Variants in SETD1B observed in about 807,000 individuals in gnomAD.
SETD1B encodes the protein SET domain containing 1B, histone lysine methyltransferase, also known as histone-lysine N-methyltransferase SETD1B.
In SETD1B, 7 loss-of-function variants were observed where a neutral mutation model predicts 148.0. The observed-to-expected ratio is 0.05, with a 90% CI of 0.03 to 0.09. SETD1B has a LOEUF of 0.09. SETD1B is among the 10% of genes least tolerant of loss of function. The pLI, the probability that SETD1B is intolerant of heterozygous loss-of-function variation, is 1.00. For synonymous variants in SETD1B, 1,361 were observed against 1,186.5 expected (o/e 1.15, Z -3.02); for missense variants, 2,155 against 2,729.9 (o/e 0.79, Z 4.69).
In SETD1B at chr12:121,825,995, G is replaced by A. The variant is rs1004176343; in HGVS notation, c.5337+629G>A. ...TAAATATCTGTTGAGTACATGCTGT[G>A]TACCGGGCACTGTTCTGGGTCTATA... On this transcript the variant is annotated intron_variant, in intron 13 of 16. Transcript: ENST00000604567. Among the ~76,000 whole-genome samples the A allele has an allele frequency of 3.3e-5, 5 of 152,122 alleles. No homozygotes were observed. In the South Asian group the frequency reaches 1.0e-3, roughly 32 times the overall value.
chr12:121,823,096 C>A lies in SETD1B; in HGVS notation c.4517C>A (p.Ala1506Asp). The A allele has an allele frequency of 6.6e-7, 1 of 1,512,342 alleles. No homozygotes were observed. Among genetic ancestry groups the A allele is most frequent in the South Asian group, 1.2e-5 (1 of 82,148 alleles). 93.7% of individuals were successfully genotyped at this position (1,512,342 alleles called of 1,614,324 possible). Residue 1506 changes from alanine to aspartate, a missense_variant, in exon 12 of 17, where the codon GCC (alanine) becomes GAC (aspartate). Ala to Asp is a moderately radical substitution (Grantham distance 126). Coordinates refer to ENST00000604567, the MANE Select transcript of SETD1B (RefSeq NM_001353345.2). ...APTPLPPLLP[A>D]PLASCPPPMK... ...ACCCCGCTGCCACCCCTGCTGCCCG[C>A]CCCCCTGGCCTCTTGCCCTCCCCCA...
Position 121,819,612 on chromosome 12 carries a change from T to C in SETD1B, c.3627T>C (p.Phe1209=). The change falls in exon 11 of 17, where the codon TTT becomes TTC. Residue 1209 remains phenylalanine (F), a synonymous_variant. Transcript: ENST00000604567. Reference sequence around the variant, plus strand: ...TGGCTTCTGCAGGCCCTGAGGACTTTGAGCAGGACGGGGAGGAAGCGGCTC... The same window carrying C: ...TGGCTTCTGCAGGCCCTGAGGACTTCGAGCAGGACGGGGAGGAAGCGGCTC... ...ESMASAGPED[F]EQDGEEAALA... The C allele has an allele frequency of 1.3e-6, 2 of 1,551,924 alleles. No homozygotes were observed. The highest frequency in any genetic ancestry group is 2.7e-5 in the African/African-American group (2 of 73,124).
intron 13 of SETD1B, 138 bp from the exon 14 acceptor site, chr12:121,827,381 A>G: frequency 9.5e-7 from 1 of 1,056,764 alleles, no homozygotes; most frequent in Non-Finnish European, 1.3e-6. Context: ...GGAAGCGGTG[A>G]CAATTAGGGA....
rs1477922356 is a variant in SETD1B at position 121,810,229 on chromosome 12, C to T, written c.1284C>T (p.Phe428=). 1.9e-6 allele frequency: 3 copies of T among 1,548,206 alleles called. No individual in the cohort carries two copies. The South Asian group carries it at 3.6e-5, about 18-fold the overall frequency. Residue 428 remains phenylalanine (F), a synonymous_variant, in exon 6 of 17, where the codon TTC becomes TTT. Transcript: ENST00000604567. This position sits in a 1 kb window ranked among gnomAD's most constrained non-coding sequence, Gnocchi z 7.6. ...AAFGARDSGE[F]RRAPAPPPLP... ...TTGGGGCCCGCGACAGTGGGGAGTT[C>T]CGGAGGGCACCGGCGCCCCCACCCC...
At chr12:121,800,210 G>C (rs1258957616), upstream of SETD1B, 3 of 152,164 alleles carry the variant, frequency 2.0e-5, no homozygotes, top group East Asian at 5.8e-4. Context: ...AGGCTTCGCC[G>C]GGAGCCCCGC....
intron 10 of SETD1B, among the ~76,000 whole-genome samples, chr12:121,818,672 C>CCT (rs1429097821): frequency 6.6e-6 from 1 of 151,820 alleles, no homozygotes; most frequent in Non-Finnish European, 1.5e-5. Context: ...AAGTGGATCA[C>CCT]GAGGTCAACA....
intron 13 of SETD1B, among the ~76,000 whole-genome samples, chr12:121,826,205 C>T (rs1003694654): frequency 2.8e-4 from 43 of 152,212 alleles, no homozygotes; most frequent in African/African-American, 9.6e-4. Context: ...GCCACGGTAC[C>T]CAGCTGGAAT....
chr12:121,805,284 C>A lies in SETD1B; in HGVS notation c.273+68C>A. 7.7e-7 allele frequency: 1 copy of A among 1,305,506 alleles called. No homozygotes were observed. Among genetic ancestry groups the A allele is most frequent in the Non-Finnish European group, 1.1e-6 (1 of 930,872 alleles). The allele number at this position is 1,305,506 out of a possible 1,614,324, so 80.9% of individuals were successfully genotyped here. A position where few individuals can be genotyped will look rare whatever the true frequency, so the allele number is the denominator to read the frequency against. On this transcript the variant is annotated intron_variant, in intron 3 of 16. Transcript: ENST00000604567. This position sits in a 1 kb window ranked among gnomAD's most constrained non-coding sequence, Gnocchi z 4.2. The stretch of plus-strand genomic sequence containing the variant: ...CCCGAGTTCGAAAATAACGCCAGTC[C>A]TGACCGAGCCCAGCCGGATTCCCAG...
Position 121,810,926 on chromosome 12 carries a change from G to C in SETD1B, c.1890+91G>C. On this transcript the variant is annotated intron_variant, in intron 6 of 16. Transcript: ENST00000604567. This position sits in a 1 kb window ranked among gnomAD's most constrained non-coding sequence, Gnocchi z 7.6. The stretch of plus-strand genomic sequence containing the variant: ...TCAAGCATTTAGCATGACTAGCTAA[G>C]ATGCGGAAGCAATGGGGCTAGGAAA... The C allele has an allele frequency of 7.1e-7, 1 of 1,405,764 alleles. No homozygotes were observed. Among genetic ancestry groups the C allele is most frequent in the Non-Finnish European group, 9.4e-7 (1 of 1,063,540 alleles). The allele number at this position is 1,405,764 out of a possible 1,614,324, so 87.1% of individuals were successfully genotyped here.
chr12:121,810,694 C>T lies in SETD1B; in HGVS notation c.1749C>T (p.Asp583=), dbSNP rs558073348. The part of the protein sequence containing the change: ...SPTPLPDSDE[D]EELDLGLGPR... ...CACCCCTCCCAGACTCCGACGAGGA[C>T]GAGGAGCTCGACCTGGGCCTTGGGC... The change falls in exon 6 of 17, where the codon GAC becomes GAT. Residue 583 remains aspartate (D), a synonymous_variant. Coordinates refer to ENST00000604567, the MANE Select transcript of SETD1B (RefSeq NM_001353345.2). The surrounding 1 kb of genome is among the most constrained non-coding windows in gnomAD (Gnocchi z 7.6). 44 of 1,550,988 alleles carry T rather than the reference C, an allele frequency of 2.8e-5. No individual in the cohort carries two copies. The highest frequency in any genetic ancestry group is 2.6e-4 in the South Asian group (22 of 84,030).
At position 121,822,929 on chromosome 12, in the gene SETD1B, C is replaced by T. The variant is rs746072629; in HGVS notation, c.4350C>T (p.Leu1450=). The T allele has an allele frequency of 3.3e-6, 5 of 1,528,520 alleles. No individual in the cohort carries two copies. In the South Asian group the frequency reaches 4.9e-5, roughly 15 times the overall value. The allele number at this position is 1,528,520 out of a possible 1,614,324, so 94.7% of individuals were successfully genotyped here. A position where few individuals can be genotyped will look rare whatever the true frequency, so the allele number is the denominator to read the frequency against. The change falls in exon 12 of 17, where the codon CTC becomes CTT. Residue 1450 remains leucine (L), a synonymous_variant. Coordinates refer to ENST00000604567, the MANE Select transcript of SETD1B (RefSeq NM_001353345.2). ...SGPLLLPVCP[L]PTGRRDERSG... Reference sequence around the variant, plus strand: ...CCTTGCTCCTGCCCGTCTGCCCACTCCCCACTGGCCGACGCGATGAACGCT... The same window carrying T: ...CCTTGCTCCTGCCCGTCTGCCCACTTCCCACTGGCCGACGCGATGAACGCT...
chr12:121,791,623 T>A, the SETD1B span, among the ~76,000 whole-genome samples: 1 of 152,202 alleles, frequency 6.6e-6, no homozygotes, highest in African/African-American at 2.4e-5. Flanking sequence ...AACTTGCAGC[T>A]TTCCAGAATC....
Position 121,805,022 on chromosome 12 carries a change from C to G in SETD1B, c.175-96C>G. 2 of 1,473,238 alleles carry G rather than the reference C, an allele frequency of 1.4e-6. No homozygotes were observed. Among genetic ancestry groups the G allele is most frequent in the Non-Finnish European group, 1.8e-6 (2 of 1,091,630 alleles). 91.3% of individuals were successfully genotyped at this position (1,473,238 alleles called of 1,614,324 possible). Reference sequence around the variant, plus strand: ...CCCCGGCCAACTGTCAGACGGGGCCCCAGCCCTGGAGTTTGACAAGTGCCT... The same window carrying G: ...CCCCGGCCAACTGTCAGACGGGGCCGCAGCCCTGGAGTTTGACAAGTGCCT... On this transcript the variant is annotated intron_variant, in intron 2 of 16. Coordinates refer to ENST00000604567, the MANE Select transcript of SETD1B (RefSeq NM_001353345.2). This position sits in a 1 kb window ranked among gnomAD's most constrained non-coding sequence, Gnocchi z 4.2.
rs1470231078 is a variant in SETD1B, at chr12:121,823,110, T to C, written c.4531T>C (p.Cys1511Arg). Residue 1511 changes from cysteine to arginine, a missense_variant, in exon 12 of 17, where the codon TGC becomes CGC. Around this residue, in one of 11 missense-constraint regions of SETD1B, gnomAD observed 862 missense variants for 873.8 expected, o/e 0.99. Transcript: ENST00000604567. ...CCTGCTGCCCGCCCCCCTGGCCTCT[T>C]GCCCTCCCCCAATGAAGAGGAAGCC... ...PPLLPAPLASCPPPMKRKPGR... is the reference protein window; with the variant it reads ...PPLLPAPLASRPPPMKRKPGR... 1 of 1,499,788 alleles carries C rather than the reference T, an allele frequency of 6.7e-7. No individual in the cohort carries two copies. Among genetic ancestry groups the C allele is most frequent in the Admixed American group, 2.0e-5 (1 of 49,712 alleles). 92.9% of individuals were successfully genotyped at this position (1,499,788 alleles called of 1,614,324 possible). A position where few individuals can be genotyped will look rare whatever the true frequency, so the allele number is the denominator to read the frequency against.
chr12:121,814,600 G>T lies in SETD1B; in HGVS notation c.2385G>T (p.Pro795=). ...CGGGCCAGGGCGCCTGCCCCTACCC[G>T]CCCTTCATGGCCGCTGCGGCCGCCG... ...LMTGQGACPY[P]PFMAAAAAAA... The change falls in exon 7 of 17, where the codon CCG becomes CCT. Residue 795 remains proline (P), a synonymous_variant. Coordinates refer to ENST00000604567, the MANE Select transcript of SETD1B (RefSeq NM_001353345.2). 1.3e-6 allele frequency: 2 copies of T among 1,536,382 alleles called. No individual in the cohort carries two copies. Among genetic ancestry groups the T allele is most frequent in the Non-Finnish European group, 1.8e-6 (2 of 1,138,160 alleles).
In SETD1B at chr12:121,828,482, A is replaced by G. The variant is rs116476870; in HGVS notation, c.5727+412A>G. Among the ~76,000 whole-genome samples the G allele has an allele frequency of 3.9e-3, 599 of 152,360 alleles. 6 individuals carry two copies. The highest frequency in any genetic ancestry group is 0.014 in the African/African-American group (566 of 41,588). On this transcript the variant is annotated intron_variant, in intron 16 of 16. Coordinates refer to ENST00000604567, the MANE Select transcript of SETD1B (RefSeq NM_001353345.2). ...CGTGCATCTGTGCTGTGGGTTAGCC[A>G]CATGTGTGGTGGTGAGCACTGGAAA...
At chr12:121,818,559 C>T (rs1333311930) in intron 10 of SETD1B, among the ~76,000 whole-genome samples, 3 of 141,760 alleles carry the variant, frequency 2.1e-5, no homozygotes, top group Non-Finnish European at 4.6e-5. Flanking sequence ...TGACACTCCA[C>T]CTCAAAAAAA....
At position 121,805,855 on chromosome 12, in the gene SETD1B, C is replaced by T. The variant is rs1045091595; in HGVS notation, c.294C>T (p.Gly98=). The change falls in exon 4 of 17, where the codon GGC becomes GGT. Residue 98 remains glycine (G), a synonymous_variant. Coordinates refer to ENST00000604567, the MANE Select transcript of SETD1B (RefSeq NM_001353345.2). This position sits in a 1 kb window ranked among gnomAD's most constrained non-coding sequence, Gnocchi z 4.2. ...PKFKIDEFYV[G]PVPPKQVTFA... ...GCCAGATCGATGAGTTCTACGTGGG[C>T]CCGGTGCCTCCGAAGCAGGTGACAT... is the stretch of plus-strand genomic sequence containing the variant. The T allele has an allele frequency of 5.2e-6, 8 of 1,551,440 alleles. No individual in the cohort carries two copies. Among genetic ancestry groups the T allele is most frequent in the African/African-American group, 1.4e-5 (1 of 72,998 alleles).
Position 121,809,893 on chromosome 12 carries a change from G to T in SETD1B, c.948G>T (p.Lys316Asn). The T allele has an allele frequency of 6.4e-7, 1 of 1,550,932 alleles. No individual in the cohort carries two copies. ...TCAAGGCCCGGCGCCACGAGAGCAA[G>T]TTCACGGACGCCTACAACCGCCGCC... The part of the protein sequence containing the change: ...VTFKARRHES[K>N]FTDAYNRRHE... Residue 316 changes from lysine to asparagine, a missense_variant, in exon 6 of 17, where the codon AAG becomes AAT. Lys to Asn is a moderately conservative substitution (Grantham distance 94). This residue lies in a region of SETD1B where 376 missense variants were observed against 385.0 expected (regional missense o/e 0.98). Coordinates refer to ENST00000604567, the MANE Select transcript of SETD1B (RefSeq NM_001353345.2).
Sources: allele counts gnomAD v4.1 joint callset (sites outside exome capture counted in the v4.1 genomes callset), GRCh38; gene constraint gnomAD v4.1.1; regional missense constraint gnomAD v4.1.1; non-coding constraint Gnocchi (gnomAD v3.1); transcripts MANE v1.5; gene names NCBI Gene and HGNC (gene_info 2026-07-23, HGNC 2026-07-21).